The following SORCS2 variants were observed in gnomAD, a reference collection of about 807,000 sequenced individuals.
SORCS2 encodes the protein VPS10 domain-containing receptor SorCS2.
A neutral mutation model predicts 141.6 loss-of-function variants in SORCS2; 100 were observed. The observed-to-expected ratio is 0.71, with a 90% CI of 0.60 to 0.83. The LOEUF (loss-of-function observed/expected upper bound fraction) is 0.83, where lower values mean the gene tolerates loss of function less well. Ranked by LOEUF, SORCS2 falls within the 40% of genes least tolerant of loss-of-function variation. The pLI, the probability that SORCS2 is intolerant of heterozygous loss-of-function variation, is 0.00. For missense variants in SORCS2, 1,646 were observed against 1,560.2 expected (o/e 1.05, Z -0.93); for synonymous variants, 789 against 676.9 (o/e 1.17, Z -2.57).
intron 15 of SORCS2, among the ~76,000 whole-genome samples, chr4:7,713,607 G>T (rs1243680708): frequency 2.6e-5 from 4 of 152,232 alleles, no homozygotes; most frequent in Middle Eastern, 3.4e-3. Flanking sequence ...AGGCATCAGA[G>T]AATTTGACAT....
intron 2 of SORCS2, among the ~76,000 whole-genome samples, chr4:7,490,228 T>C (rs1287764479): frequency 1.3e-5 from 2 of 152,142 alleles, no homozygotes; most frequent in African/African-American, 4.8e-5. Context: ...GGGAGCTCCT[T>C]CTTCACCCTC....
chr4:7,461,498 A>C (rs1729308371), intron 2 of SORCS2, among the ~76,000 whole-genome samples: 1 of 152,236 alleles, frequency 6.6e-6, no homozygotes, highest in African/African-American at 2.4e-5. Context: ...ACATGTGTAC[A>C]TGGACTCACG....
intron 2 of SORCS2, among the ~76,000 whole-genome samples, chr4:7,496,693 G>A (rs1256464394): frequency 1.3e-5 from 2 of 152,030 alleles, no homozygotes; most frequent in Non-Finnish European, 2.9e-5. Context: ...TTATTCATGG[G>A]CCACATCTGA....
rs113291486 is a variant in SORCS2 at position 7,384,084 on chromosome 4, A to G, written c.481-12204A>G. 1.3e-3 allele frequency among the ~76,000 whole-genome samples: 196 copies of G among 152,312 alleles called. 1 individual carries two copies. Among genetic ancestry groups the G allele is most frequent in the African/African-American group, 4.5e-3 (187 of 41,578 alleles). On this transcript the variant is annotated intron_variant, in intron 1 of 26. Transcript: ENST00000507866. ...GGTTTCGTGCCTGTGAAGGTGTCCA[A>G]TGCCTGTGCATGAAGGGCCTTCTTC... is the stretch of plus-strand genomic sequence containing the variant.
Position 7,676,130 on chromosome 4 carries a change from G to T in SORCS2, c.1242G>T (p.Leu414=). The change falls in exon 9 of 27, where the codon CTG becomes CTT. Residue 414 remains leucine, a synonymous_variant. Coordinates refer to ENST00000507866, the MANE Select transcript of SORCS2 (RefSeq NM_020777.3). ...GGTACCAGATGGACACCTACAACCT[G>T]TACCAGTCGGACCCACGGGGCGTGC... The part of the protein sequence containing the change: ...QEWYQMDTYN[L]YQSDPRGVRY... The T allele has an allele frequency of 1.3e-6, 2 of 1,579,626 alleles. No homozygotes were observed. Among genetic ancestry groups the T allele is most frequent in the Non-Finnish European group, 1.7e-6 (2 of 1,161,376 alleles).
intron 1 of SORCS2, among the ~76,000 whole-genome samples, chr4:7,202,681 C>T (rs576082585): frequency 2.0e-5 from 3 of 152,180 alleles, no homozygotes; most frequent in Admixed American, 6.5e-5. Flanking sequence ...AGAGTGTGGC[C>T]GCTTCCATTC....
chr4:7,218,958 C>T (rs778278744), intron 1 of SORCS2, among the ~76,000 whole-genome samples: 77 of 152,174 alleles, frequency 5.1e-4, no homozygotes, highest in South Asian at 1.0e-3. Flanking sequence ...CCCGTGCACT[C>T]GGCCATGCTG....
intron 3 of SORCS2, among the ~76,000 whole-genome samples, chr4:7,538,047 T>C (rs1172512227): frequency 6.6e-6 from 1 of 152,130 alleles, no homozygotes; most frequent in African/African-American, 2.4e-5. Flanking sequence ...CGGGTGACTC[T>C]GATTGGGAAA....
chr4:7,679,694 C>G (rs1304462743), intron 9 of SORCS2, among the ~76,000 whole-genome samples: 1 of 150,928 alleles, frequency 6.6e-6, no homozygotes, highest in Non-Finnish European at 1.5e-5. Context: ...TGAATTTGGA[C>G]TCTAGCCTCC....
At chr4:7,604,326 G>C (rs1717921515) in intron 3 of SORCS2, among the ~76,000 whole-genome samples, 1 of 152,186 alleles carries the variant, frequency 6.6e-6, no homozygotes, top group South Asian at 2.1e-4. Flanking sequence ...TTGTTTGTTG[G>C]TTTGTTTTTG....
intron 3 of SORCS2, among the ~76,000 whole-genome samples, chr4:7,583,983 G>C (rs78936658): frequency 0.013 from 1,934 of 152,282 alleles, 53 homozygotes; most frequent in African/African-American, 0.044. Context: ...TTCCTCATCT[G>C]TAAAACAGGA....
Position 7,663,455 on chromosome 4 carries a change from G to C in SORCS2, c.953-898G>C, listed in dbSNP as rs1157177387. On this transcript the variant is annotated intron_variant, in intron 6 of 26. Transcript: ENST00000507866. This position sits in a 1 kb window ranked among gnomAD's most constrained non-coding sequence, Gnocchi z 4.8. ...GCAGGAAGTTCAGTGGTTCAGTGTT[G>C]AGTGCCGGGCACACCAGTCAGTTTC... 6.6e-6 allele frequency among the ~76,000 whole-genome samples: 1 copy of C among 152,230 alleles called. No homozygotes were observed. Among genetic ancestry groups the C allele is most frequent in the African/African-American group, 2.4e-5 (1 of 41,452 alleles).
chr4:7,567,687 A>G (rs979171965), intron 3 of SORCS2, among the ~76,000 whole-genome samples: 3 of 152,202 alleles, frequency 2.0e-5, no homozygotes, highest in African/African-American at 7.2e-5. Context: ...CCTCTTTGGA[A>G]GAAGGTTGCT....
chr4:7,417,294 G>A (rs566895846), intron 2 of SORCS2, among the ~76,000 whole-genome samples: 8 of 152,230 alleles, frequency 5.3e-5, no homozygotes, highest in South Asian at 2.1e-4. Flanking sequence ...AGATGGCAGC[G>A]CCAGGAAGCC....
chr4:7,410,585 T>G (rs540983019), intron 2 of SORCS2, among the ~76,000 whole-genome samples: 1 of 152,330 alleles, frequency 6.6e-6, no homozygotes, highest in African/African-American at 2.4e-5. Flanking sequence ...CAGAGGTCTG[T>G]TTCCTTCCTT....
chr4:7,733,038 CCCCACCCCTCTG>C (rs1264381378), intron 23 of SORCS2, among the ~76,000 whole-genome samples: 23 of 150,132 alleles, frequency 1.5e-4, no homozygotes, highest in African/African-American at 5.6e-4. Context: ...CCCTCCCTCT[CCCCACCCCTCTG>C]GTGGATCCCA....
intron 1 of SORCS2, among the ~76,000 whole-genome samples, chr4:7,226,892 C>T (rs1009937240): frequency 3.3e-5 from 5 of 152,220 alleles, no homozygotes; most frequent in Non-Finnish European, 7.3e-5. Flanking sequence ...TCTCTGGGAT[C>T]ACACGCACAA....
chr4:7,635,455 G>A (rs952590614), intron 3 of SORCS2, among the ~76,000 whole-genome samples: 3 of 152,114 alleles, frequency 2.0e-5, no homozygotes, highest in South Asian at 2.1e-4. Context: ...CTTACGTCCC[G>A]CCAAGCTGCC....
At chr4:7,469,156 GTGGTGATGGTCC>G (rs1399540041) in intron 2 of SORCS2, among the ~76,000 whole-genome samples, 13 of 151,742 alleles carry the variant, frequency 8.6e-5, no homozygotes, top group Non-Finnish European at 1.9e-4. Context: ...GATGATGATG[GTGGTGATGGTCC>G]TGGTGATGGT....
Sources: gnomAD v4.1 joint callset for allele counts (sites outside exome capture counted in the v4.1 genomes callset) on GRCh38, gnomAD v4.1.1 for gene constraint, Gnocchi (gnomAD v3.1) non-coding constraint, MANE v1.5 for transcripts, NCBI Gene and HGNC (gene_info 2026-07-23, HGNC 2026-07-21) for gene names.